Variants in PTPRD observed in about 807,000 individuals in gnomAD.
The protein encoded by PTPRD is protein tyrosine phosphatase receptor type D, also known as receptor-type tyrosine-protein phosphatase delta.
PTPRD carries 34 observed loss-of-function variants against 214.5 expected under a neutral mutation model. That is an observed-to-expected ratio of 0.16 (90% confidence interval 0.12 to 0.21). PTPRD has a LOEUF of 0.21. Ranked by LOEUF, PTPRD falls within the 10% of genes least tolerant of loss-of-function variation. PTPRD has a pLI of 1.00. For missense variants in PTPRD, 2,545 were observed against 2,398.7 expected, an observed-to-expected ratio of 1.06 and a Z score of -1.27; for synonymous variants, 1,128 against 845.7, an observed-to-expected ratio of 1.33 and a Z score of -5.79.
intron 30 of PTPRD, among the ~76,000 whole-genome samples, chr9:8,477,448 T>A (rs1387081867): frequency 6.6e-6 from 1 of 152,156 alleles, no homozygotes; most frequent in Non-Finnish European, 1.5e-5. Context: ...GGGGCCCAGT[T>A]CCCCATAATT....
intron 5 of PTPRD, among the ~76,000 whole-genome samples, chr9:9,850,220 A>C (rs777513719): frequency 6.6e-5 from 10 of 152,170 alleles, no homozygotes; most frequent in Non-Finnish European, 1.3e-4. Context: ...CTGAAACGCT[A>C]ATCTTTCCTG....
chr9:8,367,824 T>G (rs2080346837), intron 39 of PTPRD, among the ~76,000 whole-genome samples: 1 of 152,194 alleles, frequency 6.6e-6, no homozygotes, highest in Non-Finnish European at 1.5e-5. Flanking sequence ...ATTTGTTGAC[T>G]TCTTTCTATG....
Position 9,249,708 on chromosome 9 carries a change from C to T in PTPRD, c.-202-66345G>A, listed in dbSNP as rs116119015. Reference sequence around the variant, plus strand: ...CATTATTTGTAGAAGTGAGCTTCCACGGTGGACTCTTGTCACTGTCTTTGT... The same window carrying T: ...CATTATTTGTAGAAGTGAGCTTCCATGGTGGACTCTTGTCACTGTCTTTGT... On this transcript the variant is annotated intron_variant, in intron 9 of 45. Transcript: ENST00000381196. Among the ~76,000 whole-genome samples, 1,230 of 152,144 alleles carry T rather than the reference C, an allele frequency of 8.1e-3. 20 individuals are homozygous for T. Among genetic ancestry groups the T allele is most frequent in the African/African-American group, 0.027 (1,133 of 41,548 alleles).
At chr9:8,895,219 T>C (rs1021123542) in intron 11 of PTPRD, among the ~76,000 whole-genome samples, 1 of 152,216 alleles carries the variant, frequency 6.6e-6, no homozygotes, top group Non-Finnish European at 1.5e-5. Context: ...TTTCCTTTTC[T>C]GCTTTTCAGA....
At position 9,593,898 on chromosome 9, in the gene PTPRD, T is replaced by G. The variant is rs1343445982; in HGVS notation, c.-286-19117A>C. Among the ~76,000 whole-genome samples, 26 of 152,088 alleles carry G rather than the reference T, an allele frequency of 1.7e-4. 1 individual carries two copies. The highest frequency in any genetic ancestry group is 1.7e-3 in the Admixed American group (26 of 15,248). On this transcript the variant is annotated intron_variant, in intron 7 of 45. Coordinates refer to ENST00000381196, the MANE Select transcript of PTPRD (RefSeq NM_002839.4). ...TCATGACTTACTTCAGTAACTTTTG[T>G]TAGCCAAAGAAGATACTCTAATTTC...
In PTPRD at chr9:8,513,946, T is replaced by A. The variant is rs1213774131; in HGVS notation, c.1543+3902A>T. ...TTAAAAGTAAAACTATTATGGAAGA[T>A]TCTTGGAAACATCTTCATGCAAAAA... On this transcript the variant is annotated intron_variant, in intron 21 of 45. Coordinates refer to ENST00000381196, the MANE Select transcript of PTPRD (RefSeq NM_002839.4). Among the ~76,000 whole-genome samples, 3 of 152,248 alleles carry A rather than the reference T, an allele frequency of 2.0e-5. No individual in the cohort carries two copies. In the East Asian group the frequency reaches 5.8e-4, roughly 29 times the overall value.
intron 4 of PTPRD, among the ~76,000 whole-genome samples, chr9:9,965,020 C>G (rs2094588254): frequency 6.6e-6 from 1 of 152,108 alleles, no homozygotes; most frequent in South Asian, 2.1e-4. Flanking sequence ...GGTATTAGGA[C>G]TCTTATTTCA....
intron 39 of PTPRD, among the ~76,000 whole-genome samples, chr9:8,351,275 C>T (rs1252204381): frequency 6.6e-6 from 1 of 152,124 alleles, no homozygotes; most frequent in African/African-American, 2.4e-5. Flanking sequence ...GATTACATAT[C>T]TCTATTTGTA....
chr9:10,286,185 C>T (rs2095346979), intron 3 of PTPRD, among the ~76,000 whole-genome samples: 1 of 152,116 alleles, frequency 6.6e-6, no homozygotes, highest in Admixed American at 6.5e-5. Flanking sequence ...CAGTAACTAG[C>T]TATTAAAGCA....
At chr9:9,656,070 G>T (rs141187723) in intron 7 of PTPRD, among the ~76,000 whole-genome samples, 1 of 152,038 alleles carries the variant, frequency 6.6e-6, no homozygotes, top group Non-Finnish European at 1.5e-5. Flanking sequence ...AAAACAATGC[G>T]GTACCACTAC....
chr9:9,547,621 C>T (rs1358098168), intron 8 of PTPRD, among the ~76,000 whole-genome samples: 1 of 152,044 alleles, frequency 6.6e-6, no homozygotes, highest in African/African-American at 2.4e-5. Flanking sequence ...CTTGTGATGA[C>T]ATGCCATAGG....
intron 6 of PTPRD, among the ~76,000 whole-genome samples, chr9:9,760,250 T>A (rs1207330276): frequency 6.6e-6 from 1 of 152,182 alleles, no homozygotes; most frequent in South Asian, 2.1e-4. Flanking sequence ...AAAACATTCA[T>A]ACATCTTACT....
At chr9:9,011,574 G>C (rs1243629168) in intron 11 of PTPRD, among the ~76,000 whole-genome samples, 2 of 152,132 alleles carry the variant, frequency 1.3e-5, no homozygotes, top group African/African-American at 2.4e-5. Flanking sequence ...TTCCCTGCCA[G>C]AGTAGCTAAG....
intron 7 of PTPRD, among the ~76,000 whole-genome samples, chr9:9,625,116 G>T (rs2095377531): frequency 1.3e-5 from 2 of 152,148 alleles, no homozygotes; most frequent in South Asian, 4.1e-4. Context: ...AGCCATTAAA[G>T]TCCACAGTAG....
intron 11 of PTPRD, among the ~76,000 whole-genome samples, chr9:8,984,627 C>G (rs540262331): frequency 6.6e-6 from 1 of 152,176 alleles, no homozygotes; most frequent in South Asian, 2.1e-4. Context: ...TAGGCTAATT[C>G]CAGAAATAGA....
At chr9:9,882,467 T>C (rs994384647) in intron 5 of PTPRD, among the ~76,000 whole-genome samples, 2 of 152,132 alleles carry the variant, frequency 1.3e-5, no homozygotes, top group Non-Finnish European at 2.9e-5. Flanking sequence ...GGCTTGAGGA[T>C]GAAGGGTACT....
chr9:8,486,463 A>T, intron 27 of PTPRD, 114 bp from the exon 28 acceptor site: 1 of 898,612 alleles, frequency 1.1e-6, no homozygotes. Context: ...TACTTACCAA[A>T]ACAAAACAAA....
intron 2 of PTPRD, among the ~76,000 whole-genome samples, chr9:10,347,622 G>C (rs919477000): frequency 1.3e-5 from 2 of 151,790 alleles, no homozygotes; most frequent in Non-Finnish European, 2.9e-5. Context: ...TGTTGGTCAG[G>C]CTAGTCTCGA....
chr9:10,014,970 T>C (rs772579984), intron 4 of PTPRD, among the ~76,000 whole-genome samples: 3 of 152,082 alleles, frequency 2.0e-5, no homozygotes, highest in Non-Finnish European at 4.4e-5. Flanking sequence ...GTCTTCAATA[T>C]ATGGGATCTG....
Sources: allele counts gnomAD v4.1 joint callset (sites outside exome capture counted in the v4.1 genomes callset), GRCh38; gene constraint gnomAD v4.1.1; transcripts MANE v1.5; gene names NCBI Gene and HGNC (gene_info 2026-07-23, HGNC 2026-07-21).